Variants in C4orf36 observed in about 807,000 individuals in gnomAD.
The protein encoded by C4orf36 is chromosome 4 open reading frame 36.
In C4orf36, 11 loss-of-function variants were observed where a neutral mutation model predicts 12.2. The observed-to-expected ratio is 0.90, with a 90% CI of 0.57 to 1.49. C4orf36 has a LOEUF of 1.49. C4orf36 is among the 40% of genes most tolerant of loss of function. C4orf36 has a pLI of 0.00. For missense variants in C4orf36, 137 were observed against 133.9 expected (o/e 1.02, Z -0.11); for synonymous variants, 54 against 51.3 (o/e 1.05, Z -0.22).
the C4orf36 span, among the ~76,000 whole-genome samples, chr4:86,909,893 T>TAGAAA: frequency 1.4e-5 from 1 of 73,298 alleles, no homozygotes; most frequent in African/African-American, 4.9e-5. Flanking sequence ...GAGGAAGACT[T>TAGAAA]AAAAAAAAAA....
chr4:86,900,917 C>T, the C4orf36 span, among the ~76,000 whole-genome samples: 2 of 151,940 alleles, frequency 1.3e-5, no homozygotes, highest in Non-Finnish European at 2.9e-5. Context: ...TTTTCCTCAA[C>T]ACAGCAGAGT....
chr4:86,911,917 A>G, the C4orf36 span, among the ~76,000 whole-genome samples: 3 of 152,094 alleles, frequency 2.0e-5, no homozygotes, highest in African/African-American at 4.8e-5. Flanking sequence ...CTGGAGTGCA[A>G]TGGCGTGATC....
chr4:86,887,113 TG>T (rs1251109173), intron 4 of C4orf36: 1 of 127,430 alleles, frequency 7.8e-6, no homozygotes, highest in African/African-American at 3.0e-5. Flanking sequence ...GGGCCTGTTG[TG>T]GGGTGGGGGT....
chr4:86,913,786 T>C, the C4orf36 span: 3 of 1,265,164 alleles, frequency 2.4e-6, no homozygotes, highest in South Asian at 3.6e-5. Flanking sequence ...CCAAAGGGCA[T>C]CTTGCTGCCC....
intron 4 of C4orf36, 84 bp from the exon 5 acceptor site, chr4:86,876,527 T>C (rs1367262218): frequency 6.2e-7 from 1 of 1,613,806 alleles, no homozygotes; most frequent in Non-Finnish European, 8.5e-7. Context: ...AAATGTCGGA[T>C]TGTGTGAAGC....
chr4:86,897,613 A>G, the C4orf36 span, among the ~76,000 whole-genome samples: 1 of 152,204 alleles, frequency 6.6e-6, no homozygotes, highest in Non-Finnish European at 1.5e-5. Flanking sequence ...CCTTAGACAC[A>G]TTATTGCATG....
At position 86,892,372 on chromosome 4, in the gene C4orf36, G is replaced by A. The variant is rs1022727884; in HGVS notation, c.-263C>T. On this transcript the variant is annotated 5_prime_UTR_variant, in exon 1 of 5. Coordinates refer to ENST00000295898, the MANE Select transcript of C4orf36 (RefSeq NM_144645.4). The stretch of plus-strand genomic sequence containing the variant: ...CACATGGCCGCGCACACGCCTCGGG[G>A]CCGCGCCGCAGGCACACGCCTCCTT... 7.1e-6 allele frequency: 7 copies of A among 985,372 alleles called. No individual in the cohort carries two copies. The African/African-American group carries it at 1.2e-4, about 17-fold the overall frequency. 61.0% of individuals were successfully genotyped at this position (985,372 alleles called of 1,614,324 possible).
the C4orf36 span, among the ~76,000 whole-genome samples, chr4:86,922,266 C>T: frequency 2.6e-5 from 4 of 152,004 alleles, no homozygotes; most frequent in Non-Finnish European, 4.4e-5. Context: ...CTACAACTTT[C>T]AGAGCTATAA....
Position 86,891,586 on chromosome 4 carries a change from C to T in C4orf36, c.-66G>A. ...ATGGAATGTCACAGATAACTCTGTT[C>T]ACTTTACCTGAAATGATGGCAACGC... is the stretch of plus-strand genomic sequence containing the variant. On this transcript the variant is annotated 5_prime_UTR_variant, in exon 2 of 5. Transcript: ENST00000295898. The T allele has an allele frequency of 6.2e-7, 1 of 1,608,814 alleles. No individual in the cohort carries two copies. Among genetic ancestry groups the T allele is most frequent in the Non-Finnish European group, 8.5e-7 (1 of 1,176,958 alleles).
upstream of C4orf36, among the ~76,000 whole-genome samples, chr4:86,893,928 G>T (rs1416182996): frequency 6.7e-6 from 1 of 150,000 alleles, no homozygotes; most frequent in African/African-American, 2.5e-5. Flanking sequence ...ATGGAGTCTC[G>T]CTCTGTCGCC....
At chr4:86,908,168 TACAC>T in the C4orf36 span, among the ~76,000 whole-genome samples, 5,428 of 140,850 alleles carry the variant, frequency 0.039, 188 homozygotes, top group African/African-American at 0.083. Context: ...ACTTTCAACA[TACAC>T]ACACACACAC....
chr4:86,910,018 A>T, the C4orf36 span, among the ~76,000 whole-genome samples: 2 of 152,152 alleles, frequency 1.3e-5, no homozygotes, highest in African/African-American at 2.4e-5. Context: ...ACACAAGCAC[A>T]GGAATGCAGC....
At chr4:86,883,866 A>G (rs371636711) in intron 4 of C4orf36, among the ~76,000 whole-genome samples, 1 of 151,994 alleles carries the variant, frequency 6.6e-6, no homozygotes. Context: ...CATCTCTACT[A>G]AAAAATACAA....
chr4:86,887,397 G>A (rs1440306109), intron 4 of C4orf36: 1 of 176,992 alleles, frequency 5.6e-6, no homozygotes, highest in Non-Finnish European at 1.2e-5. Flanking sequence ...GCCTTCTTTT[G>A]GTCCCTCCTT....
At chr4:86,917,249 C>T in the C4orf36 span, among the ~76,000 whole-genome samples, 1 of 151,656 alleles carries the variant, frequency 6.6e-6, no homozygotes, top group Non-Finnish European at 1.5e-5. Context: ...CACTTCACTG[C>T]ACCCGGGGCA....
At chr4:86,906,257 C>A in the C4orf36 span, among the ~76,000 whole-genome samples, 1 of 152,152 alleles carries the variant, frequency 6.6e-6, no homozygotes, top group Non-Finnish European at 1.5e-5. Flanking sequence ...CTGCATGTTT[C>A]TATTTCTCTC....
At chr4:86,918,376 C>A in the C4orf36 span, among the ~76,000 whole-genome samples, 3 of 152,108 alleles carry the variant, frequency 2.0e-5, no homozygotes, top group Admixed American at 6.5e-5. Flanking sequence ...ACAGCCAGAA[C>A]AAGAGTCCAG....
chr4:86,883,116 C>G (rs540299492), intron 4 of C4orf36, among the ~76,000 whole-genome samples: 1 of 152,288 alleles, frequency 6.6e-6, no homozygotes, highest in East Asian at 1.9e-4. Flanking sequence ...ATGCTTAGGG[C>G]TCCCTGGTGG....
intron 2 of C4orf36, 114 bp downstream of exon 2, chr4:86,891,342 A>T: frequency 1.1e-6 from 1 of 894,588 alleles, no homozygotes; most frequent in Non-Finnish European, 1.7e-6. Flanking sequence ...AAAATACTTC[A>T]CATAGCCCAG....
Sources: allele counts gnomAD v4.1 joint callset (sites outside exome capture counted in the v4.1 genomes callset), GRCh38; gene constraint gnomAD v4.1.1; transcripts MANE v1.5; gene names NCBI Gene and HGNC (gene_info 2026-07-23, HGNC 2026-07-21).